The following EFCAB14 variants were observed in gnomAD, a reference collection of about 807,000 sequenced individuals.
EFCAB14 encodes EF-hand calcium-binding domain-containing protein 14.
A neutral mutation model predicts 56.5 loss-of-function variants in EFCAB14; 43 were observed. The ratio of observed to expected loss-of-function variants is 0.76; its 90% CI spans 0.60 to 0.98. The LOEUF (loss-of-function observed/expected upper bound fraction) is 0.98, where lower values mean the gene tolerates loss of function less well. EFCAB14 is among the 50% of genes least tolerant of loss of function. EFCAB14 has a pLI of 0.00. For synonymous variants in EFCAB14, 235 were observed against 212.9 expected (o/e 1.10, Z -0.90); for missense variants, 538 against 580.3 (o/e 0.93, Z 0.75).
At chr1:46,713,046 A>C (rs1447522199) in intron 2 of EFCAB14, among the ~76,000 whole-genome samples, 1 of 152,062 alleles carries the variant, frequency 6.6e-6, no homozygotes, top group Non-Finnish European at 1.5e-5. Flanking sequence ...CAAAAAAAAA[A>C]AATTTTTTTT....
At chr1:46,686,937 C>G in intron 7 of EFCAB14, 67 bp from the exon 8 acceptor site, 3 of 1,452,542 alleles carry the variant, frequency 2.1e-6, no homozygotes, top group Non-Finnish European at 2.9e-6. Flanking sequence ...AACTTGAACA[C>G]CTAGCACTTT....
intron 1 of EFCAB14, among the ~76,000 whole-genome samples, chr1:46,716,976 C>T (rs963557277): frequency 6.6e-6 from 1 of 152,188 alleles, no homozygotes; most frequent in African/African-American, 2.4e-5. Flanking sequence ...AGTAAGGAAA[C>T]ATAGAAGGGG....
intron 2 of EFCAB14, among the ~76,000 whole-genome samples, chr1:46,714,142 G>C (rs191867477): frequency 7.9e-5 from 12 of 152,142 alleles, no homozygotes; most frequent in Non-Finnish European, 1.5e-4. Context: ...TCTTAGGCTG[G>C]GTTCAAAACT....
At position 46,718,019 on chromosome 1, in the gene EFCAB14, C is replaced by T. The variant is rs868350403; in HGVS notation, c.69G>A (p.Lys23=). 5.6e-6 allele frequency: 9 copies of T among 1,614,210 alleles called. No individual in the cohort carries two copies. Among genetic ancestry groups the T allele is most frequent in the Non-Finnish European group, 7.6e-6 (9 of 1,180,032 alleles). Residue 23 remains lysine (K), a synonymous_variant, in exon 1 of 11, where the codon AAG becomes AAA. Coordinates refer to ENST00000371933, the MANE Select transcript of EFCAB14 (RefSeq NM_014774.3). The stretch of plus-strand genomic sequence containing the variant: ...GCAGGCGGTGACTGCTTGGGCCTTT[C>T]TTGGGCTTCTTTCTCCGGCTGTCCC... ...LAGDSRRKKP[K]KGPSSHRLLR...
chr1:46,695,688 C>T (rs1455563946), intron 4 of EFCAB14, among the ~76,000 whole-genome samples: 1 of 152,098 alleles, frequency 6.6e-6, no homozygotes, highest in East Asian at 1.9e-4. Flanking sequence ...CCTTCCTACC[C>T]CTATCCACTC....
chr1:46,709,782 G>GT (rs1407741880), intron 2 of EFCAB14, among the ~76,000 whole-genome samples: 1 of 152,162 alleles, frequency 6.6e-6, no homozygotes, highest in Admixed American at 6.5e-5. Flanking sequence ...GAGGTGAGGA[G>GT]TTTGAGACCA....
At chr1:46,704,666 T>C (rs1008563210) in intron 3 of EFCAB14, among the ~76,000 whole-genome samples, 1 of 152,094 alleles carries the variant, frequency 6.6e-6, no homozygotes, top group South Asian at 2.1e-4. Flanking sequence ...TATTTTGTTA[T>C]AGCAGCCCGA....
intron 4 of EFCAB14, among the ~76,000 whole-genome samples, chr1:46,695,420 T>G (rs1318155123): frequency 6.6e-6 from 1 of 152,118 alleles, no homozygotes; most frequent in Non-Finnish European, 1.5e-5. Flanking sequence ...AGTAGCAAAT[T>G]ATGGAGACTG....
At chr1:46,701,970 G>T (rs967730932) in intron 3 of EFCAB14, among the ~76,000 whole-genome samples, 5 of 152,184 alleles carry the variant, frequency 3.3e-5, no homozygotes, top group African/African-American at 1.2e-4. Context: ...TGGAGATGAG[G>T]CACCCTCCCA....
chr1:46,685,867 C>G (rs1676872902), intron 8 of EFCAB14, among the ~76,000 whole-genome samples: 1 of 152,044 alleles, frequency 6.6e-6, no homozygotes, highest in African/African-American at 2.4e-5. Context: ...TTAGAAAACT[C>G]AACAAAAGCT....
intron 3 of EFCAB14, among the ~76,000 whole-genome samples, chr1:46,696,932 A>C (rs554767090): frequency 1.3e-5 from 2 of 152,338 alleles, no homozygotes; most frequent in East Asian, 3.9e-4. Flanking sequence ...AAGATCCCAA[A>C]ATCTTAAATT....
intron 10 of EFCAB14, among the ~76,000 whole-genome samples, chr1:46,681,704 C>G (rs1285097041): frequency 6.8e-6 from 1 of 147,818 alleles, no homozygotes; most frequent in East Asian, 2.0e-4. Flanking sequence ...GTTTATACAA[C>G]ATGCTACACT....
At position 46,683,385 on chromosome 1, in the gene EFCAB14, T is replaced by C. The variant is rs1557439613; in HGVS notation, c.1227A>G (p.Pro409=). The C allele has an allele frequency of 1.2e-6, 2 of 1,614,124 alleles. No individual in the cohort carries two copies. Among genetic ancestry groups the C allele is most frequent in the Admixed American group, 3.3e-5 (2 of 60,022 alleles). The change falls in exon 10 of 11, where the codon CCA becomes CCG. Residue 409 remains proline (P), a synonymous_variant. Transcript: ENST00000371933. ...GGTCTCCAAGAAACTGTGAAAATTT[T>C]GGCAATGCTGATGGCTTTGATGTGA... ...ESFTSKPSAL[P]KFSQFLGDPV... is the part of the protein sequence containing the mutation.
chr1:46,715,414 C>T (rs1172033554), intron 2 of EFCAB14, among the ~76,000 whole-genome samples: 2 of 152,178 alleles, frequency 1.3e-5, no homozygotes, highest in Admixed American at 1.3e-4. Context: ...AAATAATACC[C>T]ATCTCACCGG....
Position 46,676,000 on chromosome 1 carries a change from A to G in EFCAB14, c.*2461T>C, listed in dbSNP as rs1224786517. On this transcript the variant is annotated 3_prime_UTR_variant, in exon 11 of 11. Coordinates refer to ENST00000371933, the MANE Select transcript of EFCAB14 (RefSeq NM_014774.3). ...ATCCAGTCTTCCTCTCAGAGATGAGATATGGCTGGTGAGGCTTGACTACAG... is the reference window on the plus strand; with the variant it reads ...ATCCAGTCTTCCTCTCAGAGATGAGGTATGGCTGGTGAGGCTTGACTACAG... The G allele has an allele frequency of 6.6e-6, 1 of 152,246 alleles. No individual in the cohort carries two copies. Among genetic ancestry groups the G allele is most frequent in the Non-Finnish European group, 1.5e-5 (1 of 68,046 alleles). 9.4% of individuals were successfully genotyped at this position (152,246 alleles called of 1,614,324 possible).
At chr1:46,696,726 G>A in intron 3 of EFCAB14, 77 bp from the exon 4 acceptor site, 1 of 1,341,156 alleles carries the variant, frequency 7.5e-7, no homozygotes, top group Non-Finnish European at 1.1e-6. Context: ...AAACTCTACG[G>A]TTGGTGATGT....
At chr1:46,711,591 G>A (rs932770555) in intron 2 of EFCAB14, among the ~76,000 whole-genome samples, 2 of 152,148 alleles carry the variant, frequency 1.3e-5, no homozygotes, top group African/African-American at 2.4e-5. Context: ...ACATAAATGG[G>A]AGGAAGTGTA....
intron 3 of EFCAB14, among the ~76,000 whole-genome samples, chr1:46,704,433 C>T (rs886940020): frequency 4.4e-5 from 6 of 137,580 alleles, no homozygotes; most frequent in African/African-American, 8.1e-5. Context: ...GCTGTGATTG[C>T]ATCACTGCAC....
intron 10 of EFCAB14, among the ~76,000 whole-genome samples, chr1:46,681,330 G>T (rs530793974): frequency 6.6e-6 from 1 of 152,302 alleles, no homozygotes; most frequent in East Asian, 1.9e-4. Flanking sequence ...TAATACCAAA[G>T]AAGGTCAATG....
Sources: allele counts gnomAD v4.1 joint callset (sites outside exome capture counted in the v4.1 genomes callset), GRCh38; gene constraint gnomAD v4.1.1; transcripts MANE v1.5; gene names NCBI Gene and HGNC (gene_info 2026-07-23, HGNC 2026-07-21).